Variants in TNNI3K observed in about 807,000 individuals in gnomAD.
TNNI3K encodes the protein serine/threonine-protein kinase TNNI3K.
TNNI3K carries 140 observed loss-of-function variants against 114.5 expected under a neutral mutation model. That is an observed-to-expected ratio of 1.22 (90% CI 1.07 to 1.41). TNNI3K has a LOEUF of 1.41. Ranked by LOEUF, TNNI3K falls within the 40% of genes most tolerant of loss-of-function variation. The pLI, the probability that TNNI3K is intolerant of heterozygous loss-of-function variation, is 0.00. For synonymous variants in TNNI3K, 347 were observed against 347.5 expected (o/e 1.00, Z 0.02); for missense variants, 1,125 against 1,007.6 (o/e 1.12, Z -1.58).
intron 11 of TNNI3K, among the ~76,000 whole-genome samples, chr1:74,364,865 GAAAT>G (rs1662181268): frequency 2.0e-5 from 3 of 152,146 alleles, no homozygotes; most frequent in African/African-American, 7.2e-5. Context: ...CCTCTAGAAA[GAAAT>G]GCAGTCCTGC....
At chr1:74,443,502 T>A (rs1666477779) in intron 20 of TNNI3K, among the ~76,000 whole-genome samples, 1 of 152,010 alleles carries the variant, frequency 6.6e-6, no homozygotes, top group Non-Finnish European at 1.5e-5. Context: ...AGTTCTGAAA[T>A]TGAGGCAATA....
chr1:74,408,017 C>G (rs772570007), intron 17 of TNNI3K, among the ~76,000 whole-genome samples: 4 of 152,116 alleles, frequency 2.6e-5, no homozygotes, highest in Non-Finnish European at 5.9e-5. Context: ...GCTTATAACA[C>G]CACTACCACT....
chr1:74,355,066 T>C (rs45585745), intron 11 of TNNI3K, among the ~76,000 whole-genome samples: 4,050 of 152,298 alleles, frequency 0.027, 198 homozygotes, highest in African/African-American at 0.093. Context: ...TGAAAGAATA[T>C]ATATTGTCTT....
intron 5 of TNNI3K, among the ~76,000 whole-genome samples, chr1:74,325,149 A>G (rs557875393): frequency 2.0e-5 from 3 of 152,286 alleles, no homozygotes; most frequent in Admixed American, 6.5e-5. Context: ...ATCCGCATGC[A>G]TGAGTTTCTG....
intron 5 of TNNI3K, among the ~76,000 whole-genome samples, chr1:74,298,606 G>A (rs1265450825): frequency 6.6e-6 from 1 of 152,064 alleles, no homozygotes; most frequent in East Asian, 1.9e-4. Flanking sequence ...ATCTTCTGCT[G>A]TAGGTTTTTC....
rs79010059 is a variant in TNNI3K at position 74,411,494 on chromosome 1, A to G, written c.1773-24586A>G. On this transcript the variant is annotated intron_variant, in intron 17 of 24. Coordinates refer to ENST00000326637, the MANE Select transcript of TNNI3K (RefSeq NM_015978.3). ...ATAGGTAACAAACTATTTGGTGTACATTGAAGAAGGACCCCCTCCCCCACC... is the reference window on the plus strand; with the variant it reads ...ATAGGTAACAAACTATTTGGTGTACGTTGAAGAAGGACCCCCTCCCCCACC... Among the ~76,000 whole-genome samples the G allele has an allele frequency of 2.9e-3, 448 of 152,276 alleles. 2 individuals carry two copies. Among genetic ancestry groups the G allele is most frequent in the African/African-American group, 0.01 (427 of 41,558 alleles).
chr1:74,492,054 G>A, intron 22 of TNNI3K, 43 bp from the exon 23 acceptor site: 1 of 1,451,260 alleles, frequency 6.9e-7, no homozygotes. Flanking sequence ...CTTCACACCT[G>A]TTGGAAGTAT....
chr1:74,543,969 AG>A lies in TNNI3K; in HGVS notation c.2497del (p.Asp833ThrfsTer41). The A allele has an allele frequency of 6.2e-7, 1 of 1,613,134 alleles. No homozygotes were observed. The highest frequency in any genetic ancestry group is 8.5e-7 in the Non-Finnish European group (1 of 1,179,638). Reference protein sequence around the residue: ...FHSCRNSSSFEDSS With the variant: ...FHSCRNSSSFXDSS ...TCTTGCCGAAATAGTAGCAGCTTTG[AG>A]GACAGCAGCTGACAGCATTCGGCGT... is the stretch of plus-strand genomic sequence containing the variant. On this transcript the variant is annotated frameshift_variant, in exon 25 of 25. Transcript: ENST00000326637. LOFTEE classifies it high-confidence loss of function.
At chr1:74,501,634 G>A (rs551628698) in intron 23 of TNNI3K, among the ~76,000 whole-genome samples, 1 of 152,068 alleles carries the variant, frequency 6.6e-6, no homozygotes, top group Admixed American at 6.6e-5. Context: ...TTACAGGCAC[G>A]CACTACCACG....
At chr1:74,513,180 T>A (rs1322251937) in intron 23 of TNNI3K, among the ~76,000 whole-genome samples, 4 of 152,162 alleles carry the variant, frequency 2.6e-5, no homozygotes, top group Admixed American at 2.6e-4. Flanking sequence ...GAGGAAATGG[T>A]TGTGGAGAAA....
chr1:74,480,972 T>C (rs1368657253), intron 21 of TNNI3K: 2 of 702,972 alleles, frequency 2.8e-6, no homozygotes, highest in East Asian at 5.4e-5. Flanking sequence ...GGGGCTGCTG[T>C]GGGGAAAAAA....
chr1:74,433,278 C>T (rs1413313840), intron 17 of TNNI3K, among the ~76,000 whole-genome samples: 9 of 152,052 alleles, frequency 5.9e-5, no homozygotes, highest in Admixed American at 5.2e-4. Context: ...CACACAACCT[C>T]CCTGATTTTA....
At chr1:74,509,772 TTTTTTG>T (rs1670089364) in intron 23 of TNNI3K, among the ~76,000 whole-genome samples, 1 of 139,238 alleles carries the variant, frequency 7.2e-6, no homozygotes, top group African/African-American at 2.7e-5. Flanking sequence ...TTTTTTTTTT[TTTTTTG>T]AGACAGGGTC....
chr1:74,485,672 C>T (rs1668721148), intron 21 of TNNI3K, among the ~76,000 whole-genome samples: 1 of 152,086 alleles, frequency 6.6e-6, no homozygotes, highest in South Asian at 2.1e-4. Context: ...CTGGGTGAGC[C>T]CTTCAAAAGC....
intron 17 of TNNI3K, among the ~76,000 whole-genome samples, chr1:74,424,460 T>C (rs942501072): frequency 2.4e-4 from 36 of 152,102 alleles, no homozygotes; most frequent in African/African-American, 8.4e-4. Flanking sequence ...GGCTTGCACC[T>C]GTTATCCCAG....
At chr1:74,530,422 T>C (rs868020425) in intron 23 of TNNI3K, among the ~76,000 whole-genome samples, 8 of 152,284 alleles carry the variant, frequency 5.3e-5, no homozygotes, top group Middle Eastern at 3.4e-3. Flanking sequence ...AAATGAGTTG[T>C]TAGGTGGGGC....
intron 11 of TNNI3K, among the ~76,000 whole-genome samples, chr1:74,358,578 A>G: frequency 6.6e-6 from 1 of 152,064 alleles, no homozygotes; most frequent in East Asian, 1.9e-4. Context: ...ATAAATTTTC[A>G]CCAATAGATT....
chr1:74,399,768 A>G (rs1664269741), intron 17 of TNNI3K, among the ~76,000 whole-genome samples: 1 of 152,228 alleles, frequency 6.6e-6, no homozygotes, highest in Admixed American at 6.5e-5. Flanking sequence ...GATTAATTCT[A>G]CTACCAAGAG....
chr1:74,485,131 C>G (rs1316243869), intron 21 of TNNI3K, among the ~76,000 whole-genome samples: 1 of 152,084 alleles, frequency 6.6e-6, no homozygotes, highest in African/African-American at 2.4e-5. Context: ...ATGTAAATAC[C>G]TATCTATAAC....
Sources: gnomAD v4.1 joint callset for allele counts (sites outside exome capture counted in the v4.1 genomes callset) on GRCh38, gnomAD v4.1.1 for gene constraint, MANE v1.5 for transcripts, NCBI Gene and HGNC (gene_info 2026-07-23, HGNC 2026-07-21) for gene names.